The following SLC30A7 variants were observed in gnomAD, a reference collection of about 807,000 sequenced individuals.
SLC30A7 encodes the protein solute carrier family 30 member 7.
A neutral mutation model predicts 46.0 loss-of-function variants in SLC30A7; 35 were observed. The ratio of observed to expected loss-of-function variants is 0.76; its 90% CI spans 0.58 to 1.01. The LOEUF (loss-of-function observed/expected upper bound fraction) is 1.01, where lower values mean the gene tolerates loss of function less well. Among genes scored for constraint, SLC30A7 ranks in the 50% least tolerant of loss-of-function variants. The pLI, the probability that SLC30A7 is intolerant of heterozygous loss-of-function variation, is 0.00. For synonymous variants in SLC30A7, 147 were observed against 157.8 expected, an observed-to-expected ratio of 0.93 and a Z score of 0.51; for missense variants, 464 against 451.1, an observed-to-expected ratio of 1.03 and a Z score of -0.26.
chr1:100,916,387 G>A (rs560037187), intron 6 of SLC30A7, among the ~76,000 whole-genome samples: 15 of 152,016 alleles, frequency 9.9e-5, no homozygotes, highest in East Asian at 7.7e-4. Flanking sequence ...AGGTTTCACC[G>A]TGTTAGCCAG....
At chr1:100,959,063 TA>T (rs1369458786) in intron 8 of SLC30A7, among the ~76,000 whole-genome samples, 1 of 152,126 alleles carries the variant, frequency 6.6e-6, no homozygotes, top group Non-Finnish European at 1.5e-5. Context: ...ACCATGAAAG[TA>T]ATAAACAGCA....
chr1:100,903,163 T>C (rs1428986133), intron 2 of SLC30A7, among the ~76,000 whole-genome samples: 8 of 152,126 alleles, frequency 5.3e-5, no homozygotes, highest in Admixed American at 6.5e-5. Flanking sequence ...AAATTGACTT[T>C]TAAATTTAGT....
intron 8 of SLC30A7, among the ~76,000 whole-genome samples, chr1:100,954,898 A>G (rs1450849443): frequency 2.0e-5 from 3 of 152,072 alleles, no homozygotes; most frequent in South Asian, 2.1e-4. Flanking sequence ...CCCTGAAAAT[A>G]TGATATACAA....
chr1:100,984,421 T>C (rs563549090), downstream of SLC30A7, among the ~76,000 whole-genome samples: 2 of 152,320 alleles, frequency 1.3e-5, no homozygotes, highest in South Asian at 4.1e-4. Flanking sequence ...TCTCATAAAG[T>C]TGTTTATGAA....
At chr1:100,951,453 C>T (rs1654946956) in intron 8 of SLC30A7, among the ~76,000 whole-genome samples, 1 of 152,148 alleles carries the variant, frequency 6.6e-6, no homozygotes, top group Non-Finnish European at 1.5e-5. Context: ...TAACATGTTG[C>T]TTGTGAAAAA....
intron 2 of SLC30A7, among the ~76,000 whole-genome samples, chr1:100,903,531 T>C (rs553877426): frequency 3.6e-4 from 55 of 152,278 alleles, no homozygotes; most frequent in African/African-American, 1.3e-3. Context: ...TCAGTTTTAT[T>C]ATTCTGCTTT....
intron 8 of SLC30A7, among the ~76,000 whole-genome samples, chr1:100,954,577 A>C (rs1655131050): frequency 6.6e-6 from 1 of 152,134 alleles, no homozygotes; most frequent in African/African-American, 2.4e-5. Flanking sequence ...CTTTTTCATG[A>C]CTTTGGCTCT....
chr1:100,971,258 G>A (rs1165851234), intron 10 of SLC30A7, among the ~76,000 whole-genome samples: 1 of 152,138 alleles, frequency 6.6e-6, no homozygotes, highest in Non-Finnish European at 1.5e-5. Context: ...CTTCTTGAGG[G>A]AGGGGGTACA....
chr1:100,899,864 T>A (rs1390091404), intron 2 of SLC30A7, among the ~76,000 whole-genome samples: 1 of 152,028 alleles, frequency 6.6e-6, no homozygotes, highest in Non-Finnish European at 1.5e-5. Flanking sequence ...CACACAATGC[T>A]TTCACTAAAA....
the SLC30A7 span, chr1:100,992,680 A>C: frequency 6.2e-7 from 1 of 1,613,934 alleles, no homozygotes. Context: ...CAATCTCCAG[A>C]AGCTGCTGGG....
At chr1:100,993,310 T>A in the SLC30A7 span, among the ~76,000 whole-genome samples, 8 of 151,730 alleles carry the variant, frequency 5.3e-5, no homozygotes, top group Non-Finnish European at 1.0e-4. Context: ...CCCAGCACTT[T>A]GGGAGGCAGA....
downstream of SLC30A7, among the ~76,000 whole-genome samples, chr1:100,983,464 A>G (rs960407311): frequency 6.6e-6 from 1 of 152,058 alleles, no homozygotes; most frequent in African/African-American, 2.4e-5. Flanking sequence ...TAAATTCACA[A>G]TTCAAATTTA....
downstream of SLC30A7, among the ~76,000 whole-genome samples, chr1:100,984,172 G>A (rs1657140378): frequency 6.6e-6 from 1 of 152,178 alleles, no homozygotes; most frequent in Non-Finnish European, 1.5e-5. Context: ...TTTGGGGGAG[G>A]GGAATATTTC....
At chr1:100,915,256 CCTTT>C (rs1311642536) in intron 6 of SLC30A7, among the ~76,000 whole-genome samples, 90 of 23,448 alleles carry the variant, frequency 3.8e-3, no homozygotes, top group African/African-American at 6.7e-3. Flanking sequence ...TTTCTTTCTT[CCTTT>C]CTTTCTTTCT....
downstream of SLC30A7, among the ~76,000 whole-genome samples, chr1:100,986,641 T>C (rs963916758): frequency 6.6e-6 from 1 of 152,246 alleles, no homozygotes; most frequent in African/African-American, 2.4e-5. Context: ...AAACCTGTTA[T>C]GTTAATGTTT....
the SLC30A7 span, chr1:100,995,616 A>G: frequency 1.3e-5 from 2 of 156,752 alleles, no homozygotes; most frequent in East Asian, 3.7e-4. Flanking sequence ...CTTTAATTCT[A>G]AGTATTCATG....
intron 2 of SLC30A7, among the ~76,000 whole-genome samples, chr1:100,906,646 G>C (rs1269284864): frequency 6.6e-6 from 1 of 152,116 alleles, no homozygotes; most frequent in African/African-American, 2.4e-5. Context: ...TCTCGCAGCA[G>C]CTGGGCTTTT....
intron 8 of SLC30A7, among the ~76,000 whole-genome samples, chr1:100,928,326 C>T (rs1043717984): frequency 6.6e-5 from 10 of 152,210 alleles, no homozygotes; most frequent in African/African-American, 1.9e-4. Context: ...GGAGAGAAAA[C>T]GGCGCTTCTT....
chr1:100,961,183 G>A (rs552519478), intron 8 of SLC30A7, among the ~76,000 whole-genome samples: 1 of 151,486 alleles, frequency 6.6e-6, no homozygotes, highest in East Asian at 1.9e-4. Context: ...GGATGGTCTC[G>A]ATATCCTGAC....
Sources: allele counts gnomAD v4.1 joint callset (sites outside exome capture counted in the v4.1 genomes callset), GRCh38; gene constraint gnomAD v4.1.1; transcripts MANE v1.5; gene names NCBI Gene and HGNC (gene_info 2026-07-23, HGNC 2026-07-21).